Variants in CNTN5 observed in about 807,000 individuals in gnomAD.
CNTN5 encodes contactin 5.
In CNTN5, 77 loss-of-function variants were observed where a neutral mutation model predicts 129.1. The ratio of observed to expected loss-of-function variants is 0.60; its 90% CI spans 0.50 to 0.72. The LOEUF is 0.72. Among genes scored for constraint, CNTN5 ranks in the 30% least tolerant of loss-of-function variants. The pLI is 0.00. For missense variants in CNTN5, 1,478 were observed against 1,328.8 expected (o/e 1.11, Z -1.75); for synonymous variants, 509 against 465.6 (o/e 1.09, Z -1.20).
At chr11:99,982,458 A>G (rs1170054520) in intron 8 of CNTN5, among the ~76,000 whole-genome samples, 1 of 152,160 alleles carries the variant, frequency 6.6e-6, no homozygotes, top group Non-Finnish European at 1.5e-5. Flanking sequence ...AAGGTAGTGA[A>G]GGTTTTAATT....
At chr11:99,382,007 C>T (rs1184116620) in intron 2 of CNTN5, among the ~76,000 whole-genome samples, 1 of 145,128 alleles carries the variant, frequency 6.9e-6, no homozygotes, top group South Asian at 2.2e-4. Flanking sequence ...CAAATCAACA[C>T]AAAAAACTGC....
chr11:99,719,453 T>C (rs1336805264), intron 3 of CNTN5, among the ~76,000 whole-genome samples: 4 of 152,024 alleles, frequency 2.6e-5, no homozygotes, highest in South Asian at 4.1e-4. Flanking sequence ...ATTTAATATA[T>C]GCTTTCTATA....
In CNTN5 at chr11:100,299,160, A is replaced by C. The variant is rs1951164448; in HGVS notation, c.2386-2A>C. 6.4e-7 allele frequency: 1 copy of C among 1,569,528 alleles called. No individual in the cohort carries two copies. The highest frequency in any genetic ancestry group is 1.4e-5 in the African/African-American group (1 of 73,438). On this transcript the variant is annotated splice_acceptor_variant, in intron 19 of 24. Transcript: ENST00000524871. LOFTEE classifies it high-confidence loss of function. Reference sequence around the variant, plus strand: ...ATAATTAATTATATTTTTCTTCTTTAGCCAGTATCTGAAGAGTTTCAGAAT... The same window carrying C: ...ATAATTAATTATATTTTTCTTCTTTCGCCAGTATCTGAAGAGTTTCAGAAT...
chr11:99,840,126 G>A (rs563098606), intron 4 of CNTN5, among the ~76,000 whole-genome samples: 1 of 152,244 alleles, frequency 6.6e-6, no homozygotes, highest in South Asian at 2.1e-4. Context: ...AGTTAGGCCG[G>A]AGTCAGACTA....
At chr11:99,425,527 A>T (rs535646205) in intron 2 of CNTN5, among the ~76,000 whole-genome samples, 1 of 152,192 alleles carries the variant, frequency 6.6e-6, no homozygotes, top group Non-Finnish European at 1.5e-5. Flanking sequence ...GGGTGGGGGT[A>T]GGGGGCTGGC....
chr11:99,243,345 G>T (rs1045695024), intron 1 of CNTN5, among the ~76,000 whole-genome samples: 12 of 151,868 alleles, frequency 7.9e-5, no homozygotes, highest in African/African-American at 2.9e-4. Context: ...TTACTTATAG[G>T]TTCTGGATAT....
intron 21 of CNTN5, among the ~76,000 whole-genome samples, chr11:100,318,930 G>C (rs570164795): frequency 6.6e-6 from 1 of 152,112 alleles, no homozygotes; most frequent in Non-Finnish European, 1.5e-5. Context: ...AAAGGGCAAG[G>C]CTTTTTTCTT....
chr11:99,140,865 C>T (rs1295622017), intron 1 of CNTN5, among the ~76,000 whole-genome samples: 4 of 150,090 alleles, frequency 2.7e-5, no homozygotes, highest in Admixed American at 1.3e-4. Flanking sequence ...GGTGGATTAG[C>T]TTTTTGATGT....
At chr11:99,424,867 G>A (rs1228546050) in intron 2 of CNTN5, among the ~76,000 whole-genome samples, 1 of 152,238 alleles carries the variant, frequency 6.6e-6, no homozygotes, top group Non-Finnish European at 1.5e-5. Flanking sequence ...AATGAGGTAC[G>A]TGGACAACTG....
chr11:100,153,763 A>G (rs975903834), intron 13 of CNTN5, among the ~76,000 whole-genome samples: 3 of 152,216 alleles, frequency 2.0e-5, no homozygotes, highest in African/African-American at 7.2e-5. Context: ...AATGTTTTAA[A>G]GAAGCTAACA....
chr11:99,507,021 T>G (rs1034389243), intron 2 of CNTN5, among the ~76,000 whole-genome samples: 1 of 152,200 alleles, frequency 6.6e-6, no homozygotes, highest in African/African-American at 2.4e-5. Context: ...GTTTTTCAGA[T>G]GTTTTAGTTT....
At position 100,340,637 on chromosome 11, in the gene CNTN5, A is replaced by G; in HGVS notation, c.2905A>G (p.Thr969Ala). The part of the protein sequence containing the change: ...GPPSSEVSAT[T>A]KKSPPSQAPS... ...ACCTAGCAGTGAAGTGAGTGCAACCACCAAGAAATCCCGTAAGTGACCTGG... is the reference window on the plus strand; with the variant it reads ...ACCTAGCAGTGAAGTGAGTGCAACCGCCAAGAAATCCCGTAAGTGACCTGG... The change falls in exon 22 of 25, where the codon ACC becomes GCC. Residue 969 changes from threonine (T) to alanine (A), a missense_variant. Physicochemically the swap from Thr to Ala is moderately conservative, Grantham distance 58. Coordinates refer to ENST00000524871, the MANE Select transcript of CNTN5 (RefSeq NM_014361.4). 6.3e-7 allele frequency: 1 copy of G among 1,597,904 alleles called. No individual in the cohort carries two copies. Among genetic ancestry groups the G allele is most frequent in the Non-Finnish European group, 8.5e-7 (1 of 1,174,614 alleles).
At chr11:100,069,658 T>C (rs1167976908) in intron 10 of CNTN5, among the ~76,000 whole-genome samples, 1 of 152,174 alleles carries the variant, frequency 6.6e-6, no homozygotes, top group Non-Finnish European at 1.5e-5. Context: ...CAGTAGCACA[T>C]ATAAATATTT....
chr11:99,525,981 G>T (rs1408829221), intron 2 of CNTN5, among the ~76,000 whole-genome samples: 3 of 146,610 alleles, frequency 2.0e-5, no homozygotes, highest in African/African-American at 7.4e-5. Context: ...CATTTAAAAG[G>T]CATTATACAT....
At chr11:99,236,745 G>T (rs1861293073) in intron 1 of CNTN5, among the ~76,000 whole-genome samples, 1 of 152,034 alleles carries the variant, frequency 6.6e-6, no homozygotes, top group Non-Finnish European at 1.5e-5. Flanking sequence ...AATTACATAC[G>T]ATCGAAGTAA....
chr11:99,949,702 A>G (rs1257568423), intron 7 of CNTN5, among the ~76,000 whole-genome samples: 6 of 152,152 alleles, frequency 3.9e-5, no homozygotes, highest in African/African-American at 1.4e-4. Context: ...ATATCTAGAC[A>G]CAGGGCTCCT....
chr11:100,179,408 C>T (rs1948069996), intron 13 of CNTN5, among the ~76,000 whole-genome samples: 1 of 152,068 alleles, frequency 6.6e-6, no homozygotes, highest in Non-Finnish European at 1.5e-5. Flanking sequence ...CTTCTCTACT[C>T]CTGACATAAG....
chr11:99,816,521 C>G (rs961016046), intron 3 of CNTN5, among the ~76,000 whole-genome samples: 1 of 152,132 alleles, frequency 6.6e-6, no homozygotes. Context: ...GTGGAGGCAA[C>G]CTTGCCTGAT....
At chr11:99,955,436 A>G (rs1369901909) in intron 7 of CNTN5, among the ~76,000 whole-genome samples, 1 of 152,100 alleles carries the variant, frequency 6.6e-6, no homozygotes. Context: ...AACAGTAAAA[A>G]ACACTTTTCT....
Sources: allele counts gnomAD v4.1 joint callset (sites outside exome capture counted in the v4.1 genomes callset), GRCh38; gene constraint gnomAD v4.1.1; transcripts MANE v1.5; gene names NCBI Gene and HGNC (gene_info 2026-07-23, HGNC 2026-07-21).